TINAG: variants seen among roughly 807,000 people sequenced by gnomAD.
The protein encoded by TINAG is tubulointerstitial nephritis antigen.
TINAG carries 83 observed loss-of-function variants against 72.7 expected under a neutral mutation model. That is an observed-to-expected ratio of 1.14 (90% confidence interval 0.96 to 1.37). The LOEUF is 1.37. Among genes scored for constraint, TINAG ranks in the 40% most tolerant of loss-of-function variants. The probability of loss-of-function intolerance (pLI) is 0.00; values close to 1 mark genes in which losing one functional copy is unlikely to be tolerated. For synonymous variants in TINAG, 234 were observed against 189.9 expected (o/e 1.23, Z -1.91); for missense variants, 685 against 576.6 (o/e 1.19, Z -1.93).
At chr6:54,313,264 G>A (rs1219280405) in intron 1 of TINAG, among the ~76,000 whole-genome samples, 2 of 152,068 alleles carry the variant, frequency 1.3e-5, no homozygotes, top group Admixed American at 6.6e-5. Flanking sequence ...AATACATAAG[G>A]CATCATAAGG....
At chr6:54,339,387 G>A (rs1784944909) in intron 4 of TINAG, among the ~76,000 whole-genome samples, 1 of 152,080 alleles carries the variant, frequency 6.6e-6, no homozygotes, top group South Asian at 2.1e-4. Context: ...ACTGCTCTAT[G>A]TCTGTCTGCA....
intron 4 of TINAG, among the ~76,000 whole-genome samples, chr6:54,331,363 AT>A (rs994033851): frequency 6.6e-6 from 1 of 152,240 alleles, no homozygotes; most frequent in Non-Finnish European, 1.5e-5. Context: ...AAACCACATG[AT>A]TATCTCAATA....
intron 3 of TINAG, among the ~76,000 whole-genome samples, chr6:54,322,214 A>G (rs1784506680): frequency 6.6e-6 from 1 of 152,196 alleles, no homozygotes; most frequent in Non-Finnish European, 1.5e-5. Context: ...AGGCTGAAGC[A>G]CAACAACCAC....
rs1784275051 is a variant in TINAG, at chr6:54,312,192, G to A, written c.355+3287G>A. Among the ~76,000 whole-genome samples the A allele has an allele frequency of 6.6e-5, 10 of 152,092 alleles. No homozygotes were observed. The South Asian group carries it at 2.1e-3, about 32-fold the overall frequency. On this transcript the variant is annotated intron_variant, in intron 1 of 10. Coordinates refer to ENST00000259782, the MANE Select transcript of TINAG (RefSeq NM_014464.4). ...TCCCACTTTAAACTTCCAAGTAGCTGGGACTACAGGTGCCTACCACCATGC... is the reference window on the plus strand; with the variant it reads ...TCCCACTTTAAACTTCCAAGTAGCTAGGACTACAGGTGCCTACCACCATGC...
chr6:54,327,105 A>G (rs755451888), intron 4 of TINAG, 189 bp downstream of exon 4: 1 of 1,548,778 alleles, frequency 6.5e-7, no homozygotes, highest in Non-Finnish European at 8.7e-7. Flanking sequence ...GAGATTTGCA[A>G]GTTTACTGTT....
At chr6:54,368,245 A>G (rs953144037) in intron 9 of TINAG, among the ~76,000 whole-genome samples, 2 of 147,820 alleles carry the variant, frequency 1.4e-5, no homozygotes, top group African/African-American at 2.5e-5. Context: ...TATAATATAC[A>G]ACATATAATA....
At chr6:54,339,113 C>T (rs964354490) in intron 4 of TINAG, among the ~76,000 whole-genome samples, 4 of 152,070 alleles carry the variant, frequency 2.6e-5, no homozygotes, top group African/African-American at 9.7e-5. Context: ...GCCTTGGGTT[C>T]AATGAAATAT....
chr6:54,376,381 T>C (rs1018223949), intron 9 of TINAG, among the ~76,000 whole-genome samples: 1 of 152,148 alleles, frequency 6.6e-6, no homozygotes, highest in Non-Finnish European at 1.5e-5. Context: ...AGGTGTAGTA[T>C]ACAAGAGAGA....
At position 54,343,269 on chromosome 6, in the gene TINAG, C is replaced by G. The variant is rs778115956; in HGVS notation, c.668C>G (p.Ala223Gly). The change falls in exon 5 of 11, where the codon GCT (alanine) becomes GGT (glycine). Residue 223 changes from alanine to glycine, a missense_variant. Transcript: ENST00000259782. ...ATTDLPEFFV[A>G]SYKWPGWTHG... ...ACTGATCTTCCAGAGTTTTTTGTTG[C>G]TTCTTATAAATGGCCTGGATGGACT... 6.3e-7 allele frequency: 1 copy of G among 1,584,306 alleles called. No individual in the cohort carries two copies. Among genetic ancestry groups the G allele is most frequent in the Non-Finnish European group, 8.6e-7 (1 of 1,163,528 alleles).
chr6:54,380,638 C>T, intron 10 of TINAG, 67 bp downstream of exon 10: 1 of 1,305,852 alleles, frequency 7.7e-7, no homozygotes, highest in Non-Finnish European at 1.1e-6. Flanking sequence ...TGTTCCTCTG[C>T]TACCTGCTTT....
intron 8 of TINAG, among the ~76,000 whole-genome samples, chr6:54,353,332 T>C (rs902579395): frequency 8.6e-5 from 13 of 151,918 alleles, no homozygotes; most frequent in African/African-American, 3.1e-4. Flanking sequence ...GATAGAATGC[T>C]GGTTGACTCT....
chr6:54,330,169 A>G lies in TINAG; in HGVS notation c.624+3253A>G, dbSNP rs1192773279. ...CCACCCCAAATCAACAGAATATACAATCTTCTCAGCACCACATAACATTTA... is the reference window on the plus strand; with the variant it reads ...CCACCCCAAATCAACAGAATATACAGTCTTCTCAGCACCACATAACATTTA... On this transcript the variant is annotated intron_variant, in intron 4 of 10. Transcript: ENST00000259782. Among the ~76,000 whole-genome samples, 3 of 152,082 alleles carry G rather than the reference A, an allele frequency of 2.0e-5. No homozygotes were observed. In the South Asian group the frequency reaches 6.2e-4, roughly 32 times the overall value.
chr6:54,380,538 G>A lies in TINAG; in HGVS notation c.1263G>A (p.Leu421=). The change falls in exon 10 of 11, where the codon CTG becomes CTA. Residue 421 remains leucine, a synonymous_variant. Transcript: ENST00000259782. ...HAVKLTGWGT[L]RGAQGQKEKF... ...TTATTAATTGTAGATGGGGCACACT[G>A]AGAGGAGCACAAGGGCAGAAAGAAA... 1 of 1,610,528 alleles carries A rather than the reference G, an allele frequency of 6.2e-7. No homozygotes were observed. The highest frequency in any genetic ancestry group is 2.2e-5 in the East Asian group (1 of 44,618).
chr6:54,343,543 T>A (rs1287740687), intron 5 of TINAG, among the ~76,000 whole-genome samples, 194 bp downstream of exon 5: 1 of 151,850 alleles, frequency 6.6e-6, no homozygotes, highest in Non-Finnish European at 1.5e-5. Flanking sequence ...GTTTTTTTTT[T>A]TTATTTTAGG....
intron 4 of TINAG, among the ~76,000 whole-genome samples, chr6:54,328,595 G>C (rs1213407983): frequency 6.6e-6 from 1 of 151,992 alleles, no homozygotes; most frequent in African/African-American, 2.4e-5. Context: ...TTGCAAGCAA[G>C]TGAACAAAAT....
Position 54,308,832 on chromosome 6 carries a change from C to T in TINAG, c.282C>T (p.Cys94=). The T allele has an allele frequency of 6.2e-7, 1 of 1,613,804 alleles. No homozygotes were observed. Among genetic ancestry groups the T allele is most frequent in the Non-Finnish European group, 8.5e-7 (1 of 1,179,872 alleles). The change falls in exon 1 of 11, where the codon TGC becomes TGT. Residue 94 remains cysteine, a synonymous_variant. Transcript: ENST00000259782. ...DKFCDRENSD[C]CPDYKSFCRE... ...TCTGTGACAGAGAAAATTCTGATTG[C>T]TGTCCTGACTACAAGTCCTTTTGCC...
At chr6:54,337,250 T>A (rs1408549358) in intron 4 of TINAG, among the ~76,000 whole-genome samples, 7 of 139,528 alleles carry the variant, frequency 5.0e-5, no homozygotes, top group African/African-American at 2.0e-4. Context: ...ATTTGAATTT[T>A]TTTTTTTTTT....
intron 4 of TINAG, among the ~76,000 whole-genome samples, chr6:54,341,962 G>C (rs1019326555): frequency 2.0e-5 from 3 of 152,084 alleles, no homozygotes; most frequent in African/African-American, 7.2e-5. Context: ...ATTTGTCCCT[G>C]AGTATATCAC....
intron 9 of TINAG, among the ~76,000 whole-genome samples, chr6:54,376,334 T>C (rs1329298642): frequency 2.0e-5 from 3 of 152,116 alleles, no homozygotes; most frequent in Non-Finnish European, 4.4e-5. Flanking sequence ...TTCTTTGGGC[T>C]AACCAGTAAT....
Sources: allele counts gnomAD v4.1 joint callset (sites outside exome capture counted in the v4.1 genomes callset), GRCh38; gene constraint gnomAD v4.1.1; transcripts MANE v1.5; gene names NCBI Gene and HGNC (gene_info 2026-07-23, HGNC 2026-07-21).